The following HEMK2 variants were observed in gnomAD, a reference collection of about 807,000 sequenced individuals.
HEMK2 encodes the protein HemK methyltransferase 2, ETF1 glutamine and histone H4 lysine, also known as methyltransferase HEMK2.
At chr21:28,674,425 G>A in the HEMK2 span, among the ~76,000 whole-genome samples, 1 of 152,102 alleles carries the variant, frequency 6.6e-6, no homozygotes, top group South Asian at 2.1e-4. Context: ...CTGTCTTGGA[G>A]TCTGGATCTG....
At chr21:28,677,356 G>A in the HEMK2 span, among the ~76,000 whole-genome samples, 319 of 152,342 alleles carry the variant, frequency 2.1e-3, 1 homozygote, top group African/African-American at 7.2e-3. Context: ...GGGGACGGGT[G>A]TCCACCATTG....
At chr21:28,709,701 C>T in the HEMK2 span, among the ~76,000 whole-genome samples, 1 of 151,964 alleles carries the variant, frequency 6.6e-6, no homozygotes, top group African/African-American at 2.4e-5. Context: ...CCAGACTGAC[C>T]CTGTAAGGCT....
chr21:28,585,012 C>T, the HEMK2 span, among the ~76,000 whole-genome samples: 1 of 152,190 alleles, frequency 6.6e-6, no homozygotes, highest in Non-Finnish European at 1.5e-5. Context: ...ATATCTTCTA[C>T]TCAAGCCTCA....
the HEMK2 span, among the ~76,000 whole-genome samples, chr21:28,660,421 G>T: frequency 6.6e-6 from 1 of 151,492 alleles, no homozygotes; most frequent in Admixed American, 6.6e-5. Flanking sequence ...TGGAGGATTT[G>T]GGGTAACTCT....
chr21:28,762,367 T>C, the HEMK2 span, among the ~76,000 whole-genome samples: 1 of 152,106 alleles, frequency 6.6e-6, no homozygotes, highest in Non-Finnish European at 1.5e-5. Context: ...ATCCAAACCA[T>C]GGTCTACATT....
chr21:28,736,590 G>C, the HEMK2 span, among the ~76,000 whole-genome samples: 2 of 152,128 alleles, frequency 1.3e-5, no homozygotes, highest in African/African-American at 4.8e-5. Context: ...AACCCCACCT[G>C]TTGGTCTGTA....
the HEMK2 span, among the ~76,000 whole-genome samples, chr21:28,652,121 A>G: frequency 6.6e-6 from 1 of 152,222 alleles, no homozygotes; most frequent in Admixed American, 6.5e-5. Context: ...TAAGATCTTA[A>G]AATGCAAACA....
the HEMK2 span, among the ~76,000 whole-genome samples, chr21:28,733,051 G>A: frequency 1.0e-3 from 155 of 152,128 alleles, 1 homozygote; most frequent in African/African-American, 3.6e-3. Context: ...AGGCTGAGGC[G>A]GGTGGATCAC....
chr21:28,676,894 A>C, the HEMK2 span, among the ~76,000 whole-genome samples: 1 of 152,210 alleles, frequency 6.6e-6, no homozygotes, highest in African/African-American at 2.4e-5. Context: ...TCTGGAAAAA[A>C]TGACTTTTAA....
At chr21:28,824,707 C>T in the HEMK2 span, among the ~76,000 whole-genome samples, 2 of 152,124 alleles carry the variant, frequency 1.3e-5, no homozygotes, top group Non-Finnish European at 1.5e-5. Flanking sequence ...GTAGCCTATT[C>T]AATACTAAAA....
the HEMK2 span, among the ~76,000 whole-genome samples, chr21:28,656,409 C>A: frequency 6.6e-6 from 1 of 152,000 alleles, no homozygotes; most frequent in Admixed American, 6.6e-5. Flanking sequence ...TTTGCAACTT[C>A]CAAATCCCAC....
the HEMK2 span, among the ~76,000 whole-genome samples, chr21:28,689,049 C>T: frequency 6.6e-6 from 1 of 152,070 alleles, no homozygotes; most frequent in Non-Finnish European, 1.5e-5. Context: ...AGAGTCTGCC[C>T]ACCCCGGTGT....
the HEMK2 span, among the ~76,000 whole-genome samples, chr21:28,645,951 A>G: frequency 6.6e-6 from 1 of 152,198 alleles, no homozygotes; most frequent in South Asian, 2.1e-4. Context: ...GGCACCCACT[A>G]TATACCTATA....
At chr21:28,866,148 G>GAAAAAAAAAAAAAAA in the HEMK2 span, among the ~76,000 whole-genome samples, 1 of 17,488 alleles carries the variant, frequency 5.7e-5, no homozygotes, top group Non-Finnish European at 1.6e-4. Flanking sequence ...TGTCTCTACA[G>GAAAAAAAAAAAAAAA]AAAAAACAAA....
chr21:28,796,566 C>T, the HEMK2 span, among the ~76,000 whole-genome samples: 22 of 151,904 alleles, frequency 1.4e-4, no homozygotes, highest in Non-Finnish European at 3.1e-4. Context: ...AAACTATTGA[C>T]GGATGAGTAA....
chr21:28,814,758 T>C, the HEMK2 span, among the ~76,000 whole-genome samples: 7 of 150,932 alleles, frequency 4.6e-5, no homozygotes, highest in East Asian at 2.0e-4. Flanking sequence ...TGTGGAGAAA[T>C]AGGAACACTT....
the HEMK2 span, among the ~76,000 whole-genome samples, chr21:28,587,145 T>C: frequency 8.8e-5 from 13 of 148,312 alleles, no homozygotes; most frequent in African/African-American, 3.0e-4. Context: ...ACATGGGAAA[T>C]GGAGTAGGCA....
At chr21:28,815,783 C>G in the HEMK2 span, among the ~76,000 whole-genome samples, 1 of 152,128 alleles carries the variant, frequency 6.6e-6, no homozygotes, top group African/African-American at 2.4e-5. Flanking sequence ...TAACTAACAT[C>G]TGAGAAAACA....
At chr21:28,871,373 G>A in the HEMK2 span, among the ~76,000 whole-genome samples, 1 of 152,260 alleles carries the variant, frequency 6.6e-6, no homozygotes, top group East Asian at 1.9e-4. Flanking sequence ...AGCGAAGAGG[G>A]AGTGCTACAC....
Sources: allele counts gnomAD v4.1 joint callset (sites outside exome capture counted in the v4.1 genomes callset), GRCh38; gene constraint gnomAD v4.1.1; transcripts MANE v1.5; gene names NCBI Gene and HGNC (gene_info 2026-07-23, HGNC 2026-07-21).